Variants in GRK2 observed in about 807,000 individuals in gnomAD.
GRK2 encodes the protein adrenergic beta receptor kinase 1.
In GRK2, 23 loss-of-function variants were observed where a neutral mutation model predicts 97.8. The ratio of observed to expected loss-of-function variants is 0.24; its 90% CI spans 0.17 to 0.33. The LOEUF is 0.33. Among genes scored for constraint, GRK2 ranks in the 10% least tolerant of loss-of-function variants. The pLI is 1.00. For synonymous variants in GRK2, 425 were observed against 381.7 expected (o/e 1.11, Z -1.32); for missense variants, 633 against 956.9 (o/e 0.66, Z 4.47).
At chr11:67,284,025 ACCTGTGAGACCCTGTG>A in intron 17 of GRK2, 76 bp downstream of exon 17, 1 of 1,446,134 alleles carries the variant, frequency 6.9e-7, no homozygotes, top group Middle Eastern at 1.8e-4. Context: ...CCTTCTTATC[ACCTGTGAGACCCTGTG>A]CCAGCCCTGC....
At chr11:67,267,000 C>G (rs1471800384) in intron 1 of GRK2, among the ~76,000 whole-genome samples, 188 bp downstream of exon 1, 1 of 151,976 alleles carries the variant, frequency 6.6e-6, no homozygotes, top group Non-Finnish European at 1.5e-5. Context: ...AAGCCCCAGA[C>G]CCTGGGCGCC....
rs780469020 is a variant in GRK2, at chr11:67,281,098, C to G, written c.561C>G (p.Thr187=). The change falls in exon 8 of 21, where the codon ACC becomes ACG. Residue 187 remains threonine, a synonymous_variant. Transcript: ENST00000308595. This position sits in a 1 kb window ranked among gnomAD's most constrained non-coding sequence, Gnocchi z 5.7. ...WKNVELNIHL[T]MNDFSVHRII... is the part of the protein sequence containing the mutation. ...CAGCTGTCGCTGCCCCTCAGCTGAC[C>G]ATGAATGACTTCAGCGTGCATCGCA... 2.5e-5 allele frequency: 40 copies of G among 1,612,290 alleles called. No homozygotes were observed. Among genetic ancestry groups the G allele is most frequent in the Non-Finnish European group, 3.0e-5 (35 of 1,179,230 alleles).
chr11:67,283,775 T>TAACA lies in GRK2; in HGVS notation c.1395+3_1395+6dup, dbSNP rs1370496268. On this transcript the variant is annotated splice_region_variant and intron_variant, in intron 16 of 20. Coordinates refer to ENST00000308595, the MANE Select transcript of GRK2 (RefSeq NM_001619.5). Reference sequence around the variant, plus strand: ...TGGCAGATGGTCTTCTTGCAGAAGGTAACAGTCTGCGGCAGGGACTGGGGG... The same window carrying TAACA: ...TGGCAGATGGTCTTCTTGCAGAAGGTAACAAACAGTCTGCGGCAGGGACTGGGGG... 1 of 1,613,622 alleles carries TAACA rather than the reference T, an allele frequency of 6.2e-7. No individual in the cohort carries two copies. Among genetic ancestry groups the TAACA allele is most frequent in the Non-Finnish European group, 8.5e-7 (1 of 1,179,994 alleles).
rs770410911 is a variant in GRK2, at chr11:67,279,550, G to C, written c.366+31G>C. The C allele has an allele frequency of 3.1e-6, 5 of 1,612,506 alleles. No homozygotes were observed. The East Asian group carries it at 1.1e-4, about 36-fold the overall frequency. The stretch of plus-strand genomic sequence containing the variant: ...TGTCCTCAGCTGGCCCTGTGTGCTG[G>C]CCCAGAGTCACCTGCAGATTGGGAG... On this transcript the variant is annotated intron_variant, in intron 4 of 20. Coordinates refer to ENST00000308595, the MANE Select transcript of GRK2 (RefSeq NM_001619.5).
intron 1 of GRK2, among the ~76,000 whole-genome samples, chr11:67,271,648 C>T (rs1012938939): frequency 2.0e-5 from 3 of 152,376 alleles, no homozygotes; most frequent in Non-Finnish European, 1.5e-5. Flanking sequence ...TGAGCATCCC[C>T]GCAAGGGAGC....
intron 1 of GRK2, among the ~76,000 whole-genome samples, chr11:67,267,123 A>G (rs535612287): frequency 1.3e-5 from 2 of 152,068 alleles, no homozygotes; most frequent in African/African-American, 4.8e-5. Flanking sequence ...GGCCCCCCGA[A>G]GTCGCTGTCA....
Position 67,279,688 on chromosome 11 carries a change from G to A in GRK2, c.429G>A (p.Pro143=), listed in dbSNP as rs780394153. 27 of 1,613,468 alleles carry A rather than the reference G, an allele frequency of 1.7e-5. No individual in the cohort carries two copies. The Middle Eastern group carries it at 8.2e-4, about 49-fold the overall frequency. Reference sequence around the variant, plus strand: ...ACCTGGGGAAGAAGCAGGTGCCTCCGGATCTCTTCCAGGTGTGTGCCTCCC... The same window carrying A: ...ACCTGGGGAAGAAGCAGGTGCCTCCAGATCTCTTCCAGGTGTGTGCCTCCC... The part of the protein sequence containing the change: ...QGHLGKKQVP[P]DLFQPYIEEI... Residue 143 remains proline, a synonymous_variant, in exon 5 of 21, where the codon CCG becomes CCA. Coordinates refer to ENST00000308595, the MANE Select transcript of GRK2 (RefSeq NM_001619.5).
intron 1 of GRK2, among the ~76,000 whole-genome samples, chr11:67,267,302 T>C (rs1025892013): frequency 1.3e-5 from 2 of 152,156 alleles, no homozygotes; most frequent in African/African-American, 4.8e-5. Context: ...CGCTTTAGGG[T>C]TTCCACTACC....
rs61759809 is a variant in GRK2 at position 67,271,319 on chromosome 11, T to C, written c.113+4507T>C. On this transcript the variant is annotated intron_variant, in intron 1 of 20. Transcript: ENST00000308595. ...GCAGCTTTTTTCTAAAACAGTAATA[T>C]CCCTTCTCTGCTTTGCTGTTTACTG... is the stretch of plus-strand genomic sequence containing the variant. Among the ~76,000 whole-genome samples, 114 of 152,344 alleles carry C rather than the reference T, an allele frequency of 7.5e-4. 1 individual carries two copies. The highest frequency in any genetic ancestry group is 2.2e-4 in the Non-Finnish European group (15 of 68,038).
chr11:67,280,779 TC>T lies in GRK2; in HGVS notation c.553del (p.His185ThrfsTer2). The stretch of plus-strand genomic sequence containing the variant: ...CAGTGGAAGAATGTGGAGCTCAACA[TC>T]CACGTGAGTGGGCTTGGGTGGGGCA... ...FCQWKNVELN[I>X]HLTMNDFSVH... On this transcript the variant is annotated frameshift_variant, in exon 7 of 21. Transcript: ENST00000308595. LOFTEE classifies it high-confidence loss of function. 6.2e-7 allele frequency: 1 copy of T among 1,614,014 alleles called. No individual in the cohort carries two copies. Among genetic ancestry groups the T allele is most frequent in the Non-Finnish European group, 8.5e-7 (1 of 1,179,980 alleles).
At chr11:67,267,714 T>A (rs1859827303) in intron 1 of GRK2, among the ~76,000 whole-genome samples, 1 of 152,264 alleles carries the variant, frequency 6.6e-6, no homozygotes, top group Non-Finnish European at 1.5e-5. Context: ...TGTGGACGAT[T>A]GCTGCGGTTT....
rs1437694234 is a variant in GRK2, at chr11:67,281,088, C to T, written c.556-5C>T. The T allele has an allele frequency of 6.2e-7, 1 of 1,611,060 alleles. No individual in the cohort carries two copies. Among genetic ancestry groups the T allele is most frequent in the African/African-American group, 1.3e-5 (1 of 74,888 alleles). ...GTGGTGACCGCAGCTGTCGCTGCCC[C>T]TCAGCTGACCATGAATGACTTCAGC... On this transcript the variant is annotated splice_polypyrimidine_tract_variant and splice_region_variant and intron_variant, in intron 7 of 20. Coordinates refer to ENST00000308595, the MANE Select transcript of GRK2 (RefSeq NM_001619.5). This position sits in a 1 kb window ranked among gnomAD's most constrained non-coding sequence, Gnocchi z 5.7.
At chr11:67,284,119 T>C (rs1255268867) in intron 17 of GRK2, 92 bp from the exon 18 acceptor site, 12 of 1,535,086 alleles carry the variant, frequency 7.8e-6, no homozygotes, top group Admixed American at 3.4e-5. Context: ...TGACCATCCC[T>C]ACCCAGGGCC....
In GRK2 at chr11:67,286,203, G is replaced by A; in HGVS notation, c.*753G>A. 3.6e-6 allele frequency: 2 copies of A among 553,918 alleles called. No homozygotes were observed. Among genetic ancestry groups the A allele is most frequent in the South Asian group, 4.4e-5 (2 of 45,806 alleles). The allele number at this position is 553,918 out of a possible 1,614,324, so 34.3% of individuals were successfully genotyped here. Reference sequence around the variant, plus strand: ...CCTGAGGTCTCGCTGATGCTGGGCTGGGTGCGACCCCATCTGCCCAGGACG... The same window carrying A: ...CCTGAGGTCTCGCTGATGCTGGGCTAGGTGCGACCCCATCTGCCCAGGACG... On this transcript the variant is annotated 3_prime_UTR_variant, in exon 21 of 21. Transcript: ENST00000308595.
chr11:67,279,113 C>A, intron 2 of GRK2, 87 bp from the exon 3 acceptor site: 1 of 1,185,098 alleles, frequency 8.4e-7, no homozygotes, highest in Non-Finnish European at 1.3e-6. Context: ...GCCAGTTCTG[C>A]CCAGGGAGCC....
chr11:67,284,520 C>T lies in GRK2; in HGVS notation c.1654+147C>T, dbSNP rs903476440. The T allele has an allele frequency of 5.1e-6, 5 of 981,014 alleles. No homozygotes were observed. The African/African-American group carries it at 8.2e-5, about 16-fold the overall frequency. The allele number at this position is 981,014 out of a possible 1,614,324, so 60.8% of individuals were successfully genotyped here. A position where few individuals can be genotyped will look rare whatever the true frequency, so the allele number is the denominator to read the frequency against. On this transcript the variant is annotated intron_variant, in intron 18 of 20. Transcript: ENST00000308595. Reference sequence around the variant, plus strand: ...CAGGCTGGGGCCGGGCATGGTGGCTCACGCCTGTAATCCCAGCACTTTGGG... The same window carrying T: ...CAGGCTGGGGCCGGGCATGGTGGCTTACGCCTGTAATCCCAGCACTTTGGG...
rs1859854145 is a variant in GRK2 at position 67,269,087 on chromosome 11, C to A, written c.113+2275C>A. Among the ~76,000 whole-genome samples, 1 of 152,244 alleles carries A rather than the reference C, an allele frequency of 6.6e-6. No individual in the cohort carries two copies. Among genetic ancestry groups the A allele is most frequent in the Non-Finnish European group, 1.5e-5 (1 of 68,038 alleles). On this transcript the variant is annotated intron_variant, in intron 1 of 20. Coordinates refer to ENST00000308595, the MANE Select transcript of GRK2 (RefSeq NM_001619.5). This position sits in a 1 kb window ranked among gnomAD's most constrained non-coding sequence, Gnocchi z 4.1. ...AAGGCCTGGGAAGGGCTACTGGCCA[C>A]CCCTACATGGGGGTCCAGGCCTGGG...
rs1419073399 is a variant in GRK2 at position 67,266,538 on chromosome 11, C to T, written c.-162C>T. 1 of 145,252 alleles carries T rather than the reference C, an allele frequency of 6.9e-6. No individual in the cohort carries two copies. The highest frequency in any genetic ancestry group is 2.5e-5 in the African/African-American group (1 of 40,036). The allele number at this position is 145,252 out of a possible 1,614,324, so 9.0% of individuals were successfully genotyped here. A position where few individuals can be genotyped will look rare whatever the true frequency, so the allele number is the denominator to read the frequency against. On this transcript the variant is annotated 5_prime_UTR_variant, in exon 1 of 21. Coordinates refer to ENST00000308595, the MANE Select transcript of GRK2 (RefSeq NM_001619.5). The stretch of plus-strand genomic sequence containing the variant: ...AGCCGGCGCCATGGGGCGGCGCCGC[C>T]TGTGAGCGGCGGCGAGCGGAGCCGC...
rs775188106 is a variant in GRK2 at position 67,283,901 on chromosome 11, C to T, written c.1443C>T (p.Asp481=). 2.5e-5 allele frequency: 41 copies of T among 1,612,876 alleles called. No individual in the cohort carries two copies. The highest frequency in any genetic ancestry group is 2.0e-4 in the East Asian group (9 of 44,868). ...IPPRGEVNAA[D]AFDIGSFDEE... is the part of the protein sequence containing the mutation. Reference sequence around the variant, plus strand: ...CACGAGGGGAGGTGAACGCGGCCGACGCCTTCGACATTGGCTCCTTCGATG... The same window carrying T: ...CACGAGGGGAGGTGAACGCGGCCGATGCCTTCGACATTGGCTCCTTCGATG... The change falls in exon 17 of 21, where the codon GAC becomes GAT. Residue 481 remains aspartate, a synonymous_variant. Coordinates refer to ENST00000308595, the MANE Select transcript of GRK2 (RefSeq NM_001619.5).
Sources: allele counts gnomAD v4.1 joint callset (sites outside exome capture counted in the v4.1 genomes callset), GRCh38; gene constraint gnomAD v4.1.1; non-coding constraint Gnocchi (gnomAD v3.1); transcripts MANE v1.5; gene names NCBI Gene and HGNC (gene_info 2026-07-23, HGNC 2026-07-21).